Variants in ADGRB3 observed in about 807,000 individuals in gnomAD.
The protein encoded by ADGRB3 is adhesion G protein-coupled receptor B3.
In ADGRB3, 37 loss-of-function variants were observed where a neutral mutation model predicts 193.4. The ratio of observed to expected loss-of-function variants is 0.19; its 90% CI spans 0.15 to 0.25. The LOEUF (loss-of-function observed/expected upper bound fraction) is 0.25, where lower values mean the gene tolerates loss of function less well. Ranked by LOEUF, ADGRB3 falls within the 10% of genes least tolerant of loss-of-function variation. ADGRB3 has a pLI of 1.00. For synonymous variants in ADGRB3, 690 were observed against 644.2 expected, an observed-to-expected ratio of 1.07 and a Z score of -1.08; for missense variants, 1,637 against 1,852.9, an observed-to-expected ratio of 0.88 and a Z score of 2.14.
At chr6:68,868,673 T>G (rs1360973745) in intron 3 of ADGRB3, among the ~76,000 whole-genome samples, 1 of 152,206 alleles carries the variant, frequency 6.6e-6, no homozygotes, top group East Asian at 1.9e-4. Flanking sequence ...GATTTTATTT[T>G]GGGAAAAAAT....
intron 20 of ADGRB3, among the ~76,000 whole-genome samples, chr6:69,247,490 T>G (rs1306039518): frequency 1.3e-5 from 2 of 152,200 alleles, no homozygotes; most frequent in African/African-American, 4.8e-5. Context: ...TTCCTCTTGC[T>G]TGTGTGCTTT....
At chr6:69,178,629 T>G (rs1775497438) in intron 17 of ADGRB3, among the ~76,000 whole-genome samples, 1 of 152,230 alleles carries the variant, frequency 6.6e-6, no homozygotes, top group Non-Finnish European at 1.5e-5. Context: ...TAAGGATTTC[T>G]CATAAGTTTG....
intron 10 of ADGRB3, among the ~76,000 whole-genome samples, chr6:68,986,810 T>G (rs564199274): frequency 3.0e-4 from 46 of 152,314 alleles, no homozygotes; most frequent in African/African-American, 1.1e-3. Context: ...AAATATGTGA[T>G]GTTTAAAATG....
At chr6:69,071,552 A>G (rs532802528) in intron 16 of ADGRB3, among the ~76,000 whole-genome samples, 2 of 152,324 alleles carry the variant, frequency 1.3e-5, no homozygotes. Context: ...TAAATGCTTA[A>G]AAGTGAGTAA....
At chr6:69,233,552 G>A in intron 18 of ADGRB3, 136 bp downstream of exon 18, 1 of 1,110,502 alleles carries the variant, frequency 9.0e-7, no homozygotes, top group Non-Finnish European at 1.3e-6. Context: ...CTCCTCCTTA[G>A]CTATAGTAGC....
chr6:69,162,622 G>A (rs937027136), intron 17 of ADGRB3, among the ~76,000 whole-genome samples: 1 of 151,852 alleles, frequency 6.6e-6, no homozygotes. Context: ...TTAATAATAT[G>A]GTCAAGGACA....
At chr6:69,148,158 C>T (rs1255783260) in intron 17 of ADGRB3, among the ~76,000 whole-genome samples, 1 of 151,724 alleles carries the variant, frequency 6.6e-6, no homozygotes, top group East Asian at 1.9e-4. Context: ...AGGACTTACT[C>T]CTGCTATTTG....
intron 17 of ADGRB3, among the ~76,000 whole-genome samples, chr6:69,116,998 C>T (rs1206899623): frequency 6.6e-6 from 1 of 152,120 alleles, no homozygotes; most frequent in Non-Finnish European, 1.5e-5. Context: ...AGTTAAAGCC[C>T]TGAAGATACT....
intron 10 of ADGRB3, among the ~76,000 whole-genome samples, chr6:68,990,368 G>C (rs1769201328): frequency 6.6e-6 from 1 of 152,098 alleles, no homozygotes; most frequent in African/African-American, 2.4e-5. Context: ...TCTCACCAGT[G>C]TGTAAAAATA....
At chr6:68,967,974 G>A (rs1768433562) in intron 8 of ADGRB3, among the ~76,000 whole-genome samples, 1 of 152,178 alleles carries the variant, frequency 6.6e-6, no homozygotes, top group South Asian at 2.1e-4. Context: ...TAGTACTGAA[G>A]AAGGGTGGAG....
chr6:69,341,110 T>C (rs1355435962), intron 26 of ADGRB3, among the ~76,000 whole-genome samples: 1 of 152,206 alleles, frequency 6.6e-6, no homozygotes, highest in Non-Finnish European at 1.5e-5. Flanking sequence ...GAATGATGTA[T>C]AATCCTTTGG....
chr6:69,255,586 T>C (rs1253311550), intron 20 of ADGRB3, among the ~76,000 whole-genome samples: 1 of 152,244 alleles, frequency 6.6e-6, no homozygotes, highest in Non-Finnish European at 1.5e-5. Context: ...AAGTTCTTTG[T>C]AGATTCTGGA....
At chr6:68,931,996 A>G (rs1400851710) in intron 4 of ADGRB3, among the ~76,000 whole-genome samples, 1 of 152,134 alleles carries the variant, frequency 6.6e-6, no homozygotes, top group Non-Finnish European at 1.5e-5. Flanking sequence ...CTAAAAGTGC[A>G]TTATCAGGTT....
Position 68,935,325 on chromosome 6 carries a change from T to C in ADGRB3, c.869-1194T>C, listed in dbSNP as rs150987505. On this transcript the variant is annotated intron_variant, in intron 4 of 31. Coordinates refer to ENST00000370598, the MANE Select transcript of ADGRB3 (RefSeq NM_001704.3). ...CCAAACTCCTTCTTCCCTAGAGCACTAGTTTGTGGACCAGCTGCCTTGAGT... is the reference window on the plus strand; with the variant it reads ...CCAAACTCCTTCTTCCCTAGAGCACCAGTTTGTGGACCAGCTGCCTTGAGT... Among the ~76,000 whole-genome samples, 47 of 152,346 alleles carry C rather than the reference T, an allele frequency of 3.1e-4. 1 individual carries two copies. In the East Asian group the frequency reaches 7.1e-3, roughly 23 times the overall value.
At chr6:68,931,557 T>C (rs1014121438) in intron 4 of ADGRB3, among the ~76,000 whole-genome samples, 5 of 152,134 alleles carry the variant, frequency 3.3e-5, no homozygotes, top group Admixed American at 1.3e-4. Context: ...ATTGTATACA[T>C]CTCAATGTTT....
chr6:69,194,809 C>T (rs1765264399), intron 17 of ADGRB3, among the ~76,000 whole-genome samples: 1 of 152,012 alleles, frequency 6.6e-6, no homozygotes, highest in Non-Finnish European at 1.5e-5. Context: ...GGCTGTGTGA[C>T]CTTAGGTACT....
chr6:68,647,643 T>G (rs1177446059), intron 3 of ADGRB3, among the ~76,000 whole-genome samples: 1 of 152,182 alleles, frequency 6.6e-6, no homozygotes, highest in Non-Finnish European at 1.5e-5. Flanking sequence ...ACGACTTAGA[T>G]CAAGATAGTG....
At chr6:68,977,096 C>T (rs1299484716) in intron 10 of ADGRB3, among the ~76,000 whole-genome samples, 1 of 148,486 alleles carries the variant, frequency 6.7e-6, no homozygotes, top group Non-Finnish European at 1.5e-5. Flanking sequence ...TATAAATATA[C>T]ACATGTATTT....
At chr6:69,100,984 A>AGGG in intron 17 of ADGRB3, among the ~76,000 whole-genome samples, 1 of 85,700 alleles carries the variant, frequency 1.2e-5, no homozygotes, top group Admixed American at 1.2e-4. Flanking sequence ...GGAAGGAAGG[A>AGGG]AGGAAGGAAG....
Sources: allele counts gnomAD v4.1 joint callset (sites outside exome capture counted in the v4.1 genomes callset), GRCh38; gene constraint gnomAD v4.1.1; transcripts MANE v1.5; gene names NCBI Gene and HGNC (gene_info 2026-07-23, HGNC 2026-07-21).